Variants in GALNT2 observed in about 807,000 individuals in gnomAD.
GALNT2 encodes UDP-GalNAc:polypeptide N-acetylgalactosaminyltransferase 2.
Under a neutral mutation model 81.4 loss-of-function variants are expected in GALNT2, and 31 were observed. The observed-to-expected ratio is 0.38, with a 90% CI of 0.29 to 0.51. The LOEUF (loss-of-function observed/expected upper bound fraction) is 0.51, where lower values mean the gene tolerates loss of function less well. Among genes scored for constraint, GALNT2 ranks in the 20% least tolerant of loss-of-function variants. The pLI is 0.87. For missense variants in GALNT2, 629 were observed against 765.7 expected, an observed-to-expected ratio of 0.82 and a Z score of 2.11; for synonymous variants, 303 against 287.4, an observed-to-expected ratio of 1.05 and a Z score of -0.55.
intron 3 of GALNT2, among the ~76,000 whole-genome samples, chr1:230,224,396 G>A (rs1255108287): frequency 6.6e-6 from 1 of 152,222 alleles, no homozygotes; most frequent in Non-Finnish European, 1.5e-5. Context: ...GGCAGCTGAA[G>A]TGCAGCCCTC....
At position 230,280,284 on chromosome 1, in the gene GALNT2, C is replaced by CCGGCCT. The variant is rs1463878402; in HGVS notation, c.*832_*837dup. On this transcript the variant is annotated 3_prime_UTR_variant, in exon 16 of 16. Transcript: ENST00000366672. Reference sequence around the variant, plus strand: ...CAGCTGGGGGGCTTCCTCCAGACCACCGGCCTCGGCCCCGGCATCCCTGTT... The same window carrying CCGGCCT: ...CAGCTGGGGGGCTTCCTCCAGACCACCGGCCTCGGCCTCGGCCCCGGCATCCCTGTT... The CCGGCCT allele has an allele frequency of 4.2e-5, 13 of 306,126 alleles. No homozygotes were observed. The highest frequency in any genetic ancestry group is 7.8e-5 in the Non-Finnish European group (12 of 154,110). 19.0% of individuals were successfully genotyped at this position (306,126 alleles called of 1,614,324 possible).
intron 1 of GALNT2, among the ~76,000 whole-genome samples, chr1:230,076,917 C>G (rs1659580719): frequency 6.6e-6 from 1 of 152,120 alleles, no homozygotes; most frequent in African/African-American, 2.4e-5. Flanking sequence ...AGAGACCAGT[C>G]CAGGGAGTGA....
intron 12 of GALNT2, 102 bp from the exon 13 acceptor site, chr1:230,262,820 A>G (rs1318865424): frequency 1.8e-5 from 24 of 1,332,052 alleles, no homozygotes; most frequent in Middle Eastern, 1.8e-4. Flanking sequence ...ACACCACACC[A>G]CCTGCCCCAA....
At chr1:230,273,632 G>A (rs1032444137) in intron 14 of GALNT2, among the ~76,000 whole-genome samples, 1 of 152,108 alleles carries the variant, frequency 6.6e-6, no homozygotes. Context: ...ATCCAAAATG[G>A]TTGTCCTCTC....
chr1:230,230,462 T>A (rs943909394), intron 3 of GALNT2, among the ~76,000 whole-genome samples: 2 of 152,144 alleles, frequency 1.3e-5, no homozygotes, highest in African/African-American at 4.8e-5. Flanking sequence ...AGACACGCAG[T>A]TAGACGTAGC....
At chr1:230,220,929 C>T (rs1161263840) in intron 3 of GALNT2, among the ~76,000 whole-genome samples, 1 of 152,196 alleles carries the variant, frequency 6.6e-6, no homozygotes, top group Admixed American at 6.5e-5. Context: ...GTATCATGAA[C>T]TCCCCAAGTT....
intron 3 of GALNT2, among the ~76,000 whole-genome samples, chr1:230,224,297 C>T (rs940351843): frequency 2.0e-5 from 3 of 152,126 alleles, no homozygotes; most frequent in African/African-American, 4.8e-5. Context: ...GCAGCTTGTC[C>T]CCTGGCATCG....
rs547301483 is a variant in GALNT2 at position 230,138,341 on chromosome 1, A to G, written c.127-39877A>G. 1.4e-4 allele frequency among the ~76,000 whole-genome samples: 21 copies of G among 152,262 alleles called. No individual in the cohort carries two copies. The South Asian group carries it at 4.1e-3, about 30-fold the overall frequency. On this transcript the variant is annotated intron_variant, in intron 1 of 15. Transcript: ENST00000366672. ...GGAGTAAGAGACCAGCCTGGTCAAC[A>G]TGGTGAAACCCCATCTCTACTAAAA...
rs1665269570 is a variant in GALNT2 at position 230,243,556 on chromosome 1, CG to C, written c.729+130del. 1 of 1,188,826 alleles carries C rather than the reference CG, an allele frequency of 8.4e-7. No homozygotes were observed. The highest frequency in any genetic ancestry group is 3.4e-5 in the Admixed American group (1 of 29,702). 73.6% of individuals were successfully genotyped at this position (1,188,826 alleles called of 1,614,324 possible). On this transcript the variant is annotated intron_variant, in intron 7 of 15. Coordinates refer to ENST00000366672, the MANE Select transcript of GALNT2 (RefSeq NM_004481.5). This position sits in a 1 kb window ranked among gnomAD's most constrained non-coding sequence, Gnocchi z 4.2. ...CAGGGCTGGTAGGGGCTGAGCTCGC[CG>C]TCTGCAGTTTTCCTTGATAGAAGGA...
chr1:230,189,125 C>G (rs1572065565), intron 2 of GALNT2, among the ~76,000 whole-genome samples: 1 of 152,284 alleles, frequency 6.6e-6, no homozygotes, highest in Middle Eastern at 3.4e-3. Context: ...GTCAACGTGG[C>G]CTTTTGGAGC....
intron 1 of GALNT2, among the ~76,000 whole-genome samples, chr1:230,131,861 C>T (rs960580781): frequency 1.3e-5 from 2 of 152,202 alleles, no homozygotes; most frequent in Non-Finnish European, 2.9e-5. Flanking sequence ...GCGTCTGCCA[C>T]CCAGAAGTGA....
chr1:230,268,010 C>T (rs571947636), intron 14 of GALNT2, among the ~76,000 whole-genome samples: 1 of 152,228 alleles, frequency 6.6e-6, no homozygotes, highest in South Asian at 2.1e-4. Flanking sequence ...CTGATAACAG[C>T]GTGTTTATTT....
At chr1:230,095,367 A>G (rs1660222619) in intron 1 of GALNT2, among the ~76,000 whole-genome samples, 1 of 152,062 alleles carries the variant, frequency 6.6e-6, no homozygotes, top group South Asian at 2.1e-4. Flanking sequence ...TATTATCCCC[A>G]TTTTACAGAT....
chr1:230,209,766 C>CT (rs1387866655), intron 3 of GALNT2, among the ~76,000 whole-genome samples: 3 of 151,860 alleles, frequency 2.0e-5, no homozygotes, highest in Non-Finnish European at 1.5e-5. Flanking sequence ...TGGCTTGAGC[C>CT]TAGGAGGCTG....
intron 1 of GALNT2, among the ~76,000 whole-genome samples, chr1:230,092,996 T>TA: frequency 6.6e-6 from 1 of 152,292 alleles, no homozygotes; most frequent in East Asian, 1.9e-4. Context: ...CTCAGCATAA[T>TA]CCTGCGTGGC....
At chr1:230,110,975 T>G (rs531176979) in intron 1 of GALNT2, among the ~76,000 whole-genome samples, 2 of 152,316 alleles carry the variant, frequency 1.3e-5, no homozygotes, top group South Asian at 4.1e-4. Context: ...TTAGAATTGT[T>G]GTTCATACCT....
intron 1 of GALNT2, among the ~76,000 whole-genome samples, chr1:230,131,043 G>A (rs528547880): frequency 6.6e-6 from 1 of 151,976 alleles, no homozygotes; most frequent in South Asian, 2.1e-4. Context: ...TAGGCATCTC[G>A]CTAGCCTTGA....
At position 230,070,524 on chromosome 1, in the gene GALNT2, G is replaced by C. The variant is rs1659340677; in HGVS notation, c.126+3118G>C. 6.6e-6 allele frequency among the ~76,000 whole-genome samples: 1 copy of C among 152,160 alleles called. No individual in the cohort carries two copies. The highest frequency in any genetic ancestry group is 2.4e-5 in the African/African-American group (1 of 41,420). On this transcript the variant is annotated intron_variant, in intron 1 of 15. Transcript: ENST00000366672. This position sits in a 1 kb window ranked among gnomAD's most constrained non-coding sequence, Gnocchi z 4.7. ...CCTGAGACCCCTTGCCTGTGTGCCTGCATGCTGGGAGGTAAGGGACGGTGT... is the reference window on the plus strand; with the variant it reads ...CCTGAGACCCCTTGCCTGTGTGCCTCCATGCTGGGAGGTAAGGGACGGTGT...
At chr1:230,097,756 T>C (rs980373408) in intron 1 of GALNT2, among the ~76,000 whole-genome samples, 1 of 152,240 alleles carries the variant, frequency 6.6e-6, no homozygotes, top group Non-Finnish European at 1.5e-5. Context: ...ATTTCATTTA[T>C]TCTTGATATC....
Sources: allele counts gnomAD v4.1 joint callset (sites outside exome capture counted in the v4.1 genomes callset), GRCh38; gene constraint gnomAD v4.1.1; non-coding constraint Gnocchi (gnomAD v3.1); transcripts MANE v1.5; gene names NCBI Gene and HGNC (gene_info 2026-07-23, HGNC 2026-07-21).